The following PNPLA1 variants were observed in gnomAD, a reference collection of about 807,000 sequenced individuals.
PNPLA1 encodes patatin like domain 1, omega-hydroxyceramide transacylase, also known as omega-hydroxyceramide transacylase.
PNPLA1 carries 36 observed loss-of-function variants against 51.7 expected under a neutral mutation model. The ratio of observed to expected loss-of-function variants is 0.70; its 90% CI spans 0.53 to 0.92. The LOEUF is 0.92. PNPLA1 is among the 40% of genes least tolerant of loss of function. PNPLA1 has a pLI of 0.00. For synonymous variants in PNPLA1, 293 were observed against 280.1 expected, an observed-to-expected ratio of 1.05 and a Z score of -0.46; for missense variants, 658 against 682.5, an observed-to-expected ratio of 0.96 and a Z score of 0.40.
chr6:36,282,918 C>G (rs914514856), intron 1 of PNPLA1, among the ~76,000 whole-genome samples: 2 of 152,104 alleles, frequency 1.3e-5, no homozygotes, highest in Non-Finnish European at 2.9e-5. Context: ...CCCCTGACCT[C>G]GTGATCTGCC....
chr6:36,298,546 G>GATC (rs1342240115), intron 5 of PNPLA1, among the ~76,000 whole-genome samples: 1 of 152,122 alleles, frequency 6.6e-6, no homozygotes, highest in Non-Finnish European at 1.5e-5. Flanking sequence ...TACACACATT[G>GATC]ATCAACAACT....
At chr6:36,274,612 T>G (rs1770034942) in intron 1 of PNPLA1, among the ~76,000 whole-genome samples, 2 of 152,214 alleles carry the variant, frequency 1.3e-5, no homozygotes, top group Non-Finnish European at 2.9e-5. Flanking sequence ...TTTGTGTCAT[T>G]AACTTTGTTA....
chr6:36,299,396 A>G (rs1423821264), intron 5 of PNPLA1, among the ~76,000 whole-genome samples: 2 of 145,066 alleles, frequency 1.4e-5, no homozygotes, highest in African/African-American at 2.6e-5. Flanking sequence ...GTGCAGTGGC[A>G]TGATCTCGGC....
At chr6:36,283,016 C>T (rs1770369801) in intron 1 of PNPLA1, among the ~76,000 whole-genome samples, 1 of 152,078 alleles carries the variant, frequency 6.6e-6, no homozygotes, top group African/African-American at 2.4e-5. Flanking sequence ...TAATAATAAA[C>T]TTTTTATTTT....
chr6:36,306,049 C>T (rs923272102), intron 6 of PNPLA1, among the ~76,000 whole-genome samples: 7 of 152,200 alleles, frequency 4.6e-5, no homozygotes, highest in Non-Finnish European at 1.0e-4. Flanking sequence ...GCCACCGGGC[C>T]TGCCCCTGGG....
At chr6:36,266,499 T>C (rs1769763825), upstream of PNPLA1, among the ~76,000 whole-genome samples, 1 of 152,158 alleles carries the variant, frequency 6.6e-6, no homozygotes, top group Admixed American at 6.5e-5. Context: ...TTTTACCTTT[T>C]ATCAAGGAGG....
Position 36,270,335 on chromosome 6 carries a change from A to G in PNPLA1, c.-125A>G. The G allele has an allele frequency of 9.9e-7, 1 of 1,005,498 alleles. No individual in the cohort carries two copies. Among genetic ancestry groups the G allele is most frequent in the Non-Finnish European group, 1.5e-6 (1 of 670,532 alleles). 62.3% of individuals were successfully genotyped at this position (1,005,498 alleles called of 1,614,324 possible). On this transcript the variant is annotated 5_prime_UTR_variant, in exon 1 of 9. Coordinates refer to ENST00000636260, the MANE Select transcript of PNPLA1 (RefSeq NM_001374623.1). ...GCTCCAGCCGGGTAGAGACAGCCAC[A>G]TTCCAAGCTCCGGGGTGGCAGGGAA...
At chr6:36,292,179 T>C (rs1441626143) in intron 2 of PNPLA1, among the ~76,000 whole-genome samples, 1 of 152,000 alleles carries the variant, frequency 6.6e-6, no homozygotes, top group Non-Finnish European at 1.5e-5. Context: ...ATCTCCACTC[T>C]CCTTCCTTCC....
Position 36,291,558 on chromosome 6 carries a change from G to T in PNPLA1, c.438+6G>T, listed in dbSNP as rs749211602. The T allele has an allele frequency of 6.0e-6, 9 of 1,505,148 alleles. No homozygotes were observed. The highest frequency in any genetic ancestry group is 1.4e-5 in the African/African-American group (1 of 72,300). 93.2% of individuals were successfully genotyped at this position (1,505,148 alleles called of 1,614,324 possible). ...CCAAGGAGGAGCTCATTGAGGCAAG[G>T]GGGCTGGGCTGGGAGGGAGGGACAC... On this transcript the variant is annotated splice_donor_region_variant and intron_variant, in intron 2 of 8. Transcript: ENST00000636260.
chr6:36,282,090 A>G lies in PNPLA1; in HGVS notation c.206-9230A>G, dbSNP rs1475267523. Among the ~76,000 whole-genome samples the G allele has an allele frequency of 5.7e-5, 7 of 123,186 alleles. No homozygotes were observed. The East Asian group carries it at 9.2e-4, about 16-fold the overall frequency. 80.8% of individuals were successfully genotyped at this position (123,186 alleles called of 152,430 possible). A position where few individuals can be genotyped will look rare whatever the true frequency, so the allele number is the denominator to read the frequency against. On this transcript the variant is annotated intron_variant, in intron 1 of 8. Transcript: ENST00000636260. The stretch of plus-strand genomic sequence containing the variant: ...GAAAGAAAGAAAGAAAGAAAGAAAG[A>G]AGGAAGGAAGGAAGGAAGGAAGGAA...
intron 8 of PNPLA1, among the ~76,000 whole-genome samples, chr6:36,310,752 T>C (rs1771389917): frequency 6.6e-6 from 1 of 152,176 alleles, no homozygotes; most frequent in African/African-American, 2.4e-5. Flanking sequence ...GTGGGAGCAC[T>C]GGGGTGGGAG....
Position 36,291,343 on chromosome 6 carries a change from G to A in PNPLA1, c.229G>A (p.Val77Met), listed in dbSNP as rs760158304. 2.2e-5 allele frequency: 35 copies of A among 1,613,988 alleles called. No individual in the cohort carries two copies. In the East Asian group the frequency reaches 3.1e-4, roughly 14 times the overall value. ...AGATGAGTATCTCAGAGTCCTCAAC[G>A]TGGGTGTGGCCGAGGTGAAGAAATC... ...EMDEYLRVLN[V>M]GVAEVKKSFL... Residue 77 changes from valine (V) to methionine (M), a missense_variant, in exon 2 of 9, where the codon GTG (valine) becomes ATG (methionine). Transcript: ENST00000636260.
chr6:36,306,141 A>G, intron 6 of PNPLA1, 151 bp from the exon 7 acceptor site: 1 of 632,558 alleles, frequency 1.6e-6, no homozygotes, highest in East Asian at 3.0e-5. Flanking sequence ...AAGTCCCACG[A>G]CATGACTCTG....
At chr6:36,252,821 C>G (rs1769452052) in intron 1 of PNPLA1, among the ~76,000 whole-genome samples, 1 of 152,184 alleles carries the variant, frequency 6.6e-6, no homozygotes, top group Admixed American at 6.5e-5. Context: ...TAGCACTTCA[C>G]AAAAAATCTT....
chr6:36,302,161 C>A lies in PNPLA1; in HGVS notation c.1076C>A (p.Ala359Asp). The change falls in exon 6 of 9, where the codon GCC becomes GAC. Residue 359 changes from alanine (A) to aspartate (D), a missense_variant. Physicochemically the swap from Ala to Asp is moderately radical, Grantham distance 126 (BLOSUM62 -2). Coordinates refer to ENST00000636260, the MANE Select transcript of PNPLA1 (RefSeq NM_001374623.1). Reference protein sequence around the residue: ...PLEQPPAQPLASSTPLSLSGM... With the variant: ...PLEQPPAQPLDSSTPLSLSGM... ...GAGCAGCCACCTGCACAGCCACTGGCCTCTTCAACTCCACTTTCTCTAAGT... is the reference window on the plus strand; with the variant it reads ...GAGCAGCCACCTGCACAGCCACTGGACTCTTCAACTCCACTTTCTCTAAGT... 6.2e-7 allele frequency: 1 copy of A among 1,614,248 alleles called. No individual in the cohort carries two copies. The highest frequency in any genetic ancestry group is 1.1e-5 in the South Asian group (1 of 91,088).
intron 1 of PNPLA1, among the ~76,000 whole-genome samples, chr6:36,245,916 G>T (rs945337469): frequency 6.6e-6 from 1 of 152,174 alleles, no homozygotes; most frequent in African/African-American, 2.4e-5. Flanking sequence ...AATGCAATTA[G>T]CCAGGGAGGG....
intron 8 of PNPLA1, 78 bp downstream of exon 8, chr6:36,307,790 T>G: frequency 6.4e-7 from 1 of 1,560,388 alleles, no homozygotes. Context: ...TTCCGAGGAA[T>G]AGAGGAGAGT....
intron 1 of PNPLA1, among the ~76,000 whole-genome samples, chr6:36,287,459 T>G (rs1158376560): frequency 1.3e-5 from 2 of 152,172 alleles, no homozygotes; most frequent in African/African-American, 4.8e-5. Flanking sequence ...GTGCTGCTTC[T>G]AATAACCTTG....
At chr6:36,284,839 G>T (rs1770433390) in intron 1 of PNPLA1, among the ~76,000 whole-genome samples, 1 of 152,134 alleles carries the variant, frequency 6.6e-6, no homozygotes, top group Non-Finnish European at 1.5e-5. Flanking sequence ...TTCTACTTAA[G>T]ATTTCTTTCG....
Sources: gnomAD v4.1 joint callset for allele counts (sites outside exome capture counted in the v4.1 genomes callset) on GRCh38, gnomAD v4.1.1 for gene constraint, MANE v1.5 for transcripts, NCBI Gene and HGNC (gene_info 2026-07-23, HGNC 2026-07-21) for gene names.